Variants in KIF13A observed in about 807,000 individuals in gnomAD.
KIF13A encodes the protein kinesin family member 13A, also known as kinesin-like protein KIF13A.
A neutral mutation model predicts 212.2 loss-of-function variants in KIF13A; 79 were observed. The observed-to-expected ratio is 0.37, with a 90% CI of 0.31 to 0.45. The LOEUF (loss-of-function observed/expected upper bound fraction) is 0.45, where lower values mean the gene tolerates loss of function less well. Ranked by LOEUF, KIF13A falls within the 20% of genes least tolerant of loss-of-function variation. The probability of loss-of-function intolerance (pLI) is 1.00; values close to 1 mark genes in which losing one functional copy is unlikely to be tolerated. For synonymous variants in KIF13A, 789 were observed against 808.6 expected (o/e 0.98, Z 0.41); for missense variants, 1,901 against 2,209.0 (o/e 0.86, Z 2.79).
chr6:17,942,933 T>G (rs1034261014), intron 2 of KIF13A, among the ~76,000 whole-genome samples: 2 of 151,976 alleles, frequency 1.3e-5, no homozygotes, highest in Admixed American at 6.6e-5. Context: ...GAGCCAAGAT[T>G]GTGCCACTAC....
At chr6:17,891,747 G>A (rs143399512) in intron 3 of KIF13A, among the ~76,000 whole-genome samples, 44 of 152,174 alleles carry the variant, frequency 2.9e-4, no homozygotes, top group African/African-American at 9.9e-4. Context: ...CTCCAGCCTC[G>A]GTGAGACCCT....
intron 2 of KIF13A, among the ~76,000 whole-genome samples, chr6:17,969,331 G>A (rs930511774): frequency 2.6e-5 from 4 of 152,160 alleles, no homozygotes; most frequent in Admixed American, 6.5e-5. Flanking sequence ...TTGTACTCTA[G>A]TTATTGGGGG....
chr6:17,925,309 G>A (rs771603332), intron 2 of KIF13A, among the ~76,000 whole-genome samples: 15 of 152,186 alleles, frequency 9.9e-5, no homozygotes, highest in Non-Finnish European at 1.6e-4. Flanking sequence ...AAAGTTTTTC[G>A]CTTGAGCGGG....
At position 17,843,901 on chromosome 6, in the gene KIF13A, T is replaced by C. The variant is rs966553479; in HGVS notation, c.830+5476A>G. Among the ~76,000 whole-genome samples the C allele has an allele frequency of 1.3e-5, 2 of 151,870 alleles. No individual in the cohort carries two copies. Among genetic ancestry groups the C allele is most frequent in the African/African-American group, 4.8e-5 (2 of 41,346 alleles). On this transcript the variant is annotated intron_variant, in intron 9 of 38. Transcript: ENST00000259711. The surrounding 1 kb of genome is among the most constrained non-coding windows in gnomAD (Gnocchi z 5.3). ...CACTACTAAAAATACAAAAATTAAC[T>C]GAGCGTGGTGGCGCACGCCTATAAT...
Position 17,826,124 on chromosome 6 carries a change from C to T in KIF13A, c.1533G>A (p.Arg511=). 6.2e-7 allele frequency: 1 copy of T among 1,613,234 alleles called. No individual in the cohort carries two copies. Among genetic ancestry groups the T allele is most frequent in the East Asian group, 2.2e-5 (1 of 44,874 alleles). Residue 511 remains arginine (R), a splice_region_variant and synonymous_variant, in exon 15 of 39, where the codon AGG becomes AGA. Transcript: ENST00000259711. This position sits in a 1 kb window ranked among gnomAD's most constrained non-coding sequence, Gnocchi z 4.7. ...DVTLTPKENA[R]SCVNGTLVCS... is the part of the protein sequence containing the mutation. ...ACACAAGGGTGCCGTTCACACAGGA[C>T]CTGGGAGAACACGAGGGAAAATACC...
chr6:17,939,137 C>T (rs888197596), intron 2 of KIF13A, among the ~76,000 whole-genome samples: 5 of 152,132 alleles, frequency 3.3e-5, no homozygotes, highest in Non-Finnish European at 5.9e-5. Flanking sequence ...GGGCGCTTTC[C>T]GCCCTTTCCT....
At position 17,785,197 on chromosome 6, in the gene KIF13A, T is replaced by C. The variant is rs1760943831; in HGVS notation, c.3488+318A>G. On this transcript the variant is annotated intron_variant, in intron 28 of 38. Coordinates refer to ENST00000259711, the MANE Select transcript of KIF13A (RefSeq NM_022113.6). This position sits in a 1 kb window ranked among gnomAD's most constrained non-coding sequence, Gnocchi z 5.8. ...TCCACTAATATATTTTCTGTCCTAT[T>C]CAAATACTTTCCAGCCAAGATAAAA... Among the ~76,000 whole-genome samples, 1 of 152,218 alleles carries C rather than the reference T, an allele frequency of 6.6e-6. No homozygotes were observed. The highest frequency in any genetic ancestry group is 6.5e-5 in the Admixed American group (1 of 15,274).
chr6:17,835,377 T>G (rs535100282), intron 11 of KIF13A, among the ~76,000 whole-genome samples: 2 of 152,248 alleles, frequency 1.3e-5, no homozygotes, highest in East Asian at 3.9e-4. Context: ...AATCCACCTA[T>G]AAACACATTG....
intron 4 of KIF13A, among the ~76,000 whole-genome samples, chr6:17,869,848 G>C (rs1189492070): frequency 6.6e-6 from 1 of 152,144 alleles, no homozygotes; most frequent in Admixed American, 6.6e-5. Flanking sequence ...TTTTGAGAGC[G>C]GCTTTGAGAG....
chr6:17,876,556 T>C (rs1367544959), intron 3 of KIF13A, among the ~76,000 whole-genome samples: 1 of 152,224 alleles, frequency 6.6e-6, no homozygotes, highest in East Asian at 1.9e-4. Flanking sequence ...TTAGTCCTTT[T>C]TTATGGCTCC....
intron 16 of KIF13A, among the ~76,000 whole-genome samples, chr6:17,824,774 A>AAC (rs1764812525): frequency 6.8e-6 from 1 of 148,060 alleles, no homozygotes; most frequent in Non-Finnish European, 1.5e-5. Flanking sequence ...AAAAAAAAAA[A>AAC]AAAAAACAAA....
In KIF13A at chr6:17,983,550, T is replaced by C. The variant is rs529109487; in HGVS notation, c.146+3504A>G. On this transcript the variant is annotated intron_variant, in intron 2 of 38. Transcript: ENST00000259711. ...CTCCGTTGCCCAGGCGAGAGTGCAG[T>C]AGCACGATCTCAGCTCACGGCAACC... is the stretch of plus-strand genomic sequence containing the variant. Among the ~76,000 whole-genome samples, 64 of 149,520 alleles carry C rather than the reference T, an allele frequency of 4.3e-4. 1 individual carries two copies. The highest frequency in any genetic ancestry group is 2.4e-3 in the Admixed American group (35 of 14,846).
chr6:17,974,065 A>C (rs1013754115), intron 2 of KIF13A, among the ~76,000 whole-genome samples: 1 of 152,158 alleles, frequency 6.6e-6, no homozygotes, highest in African/African-American at 2.4e-5. Context: ...GAGAGTCCTT[A>C]TGTTAGGAAC....
chr6:17,808,243 G>A (rs1019640417), intron 18 of KIF13A, among the ~76,000 whole-genome samples: 2 of 152,114 alleles, frequency 1.3e-5, no homozygotes, highest in African/African-American at 4.8e-5. Context: ...AAAATTGGCC[G>A]GGTGTGCTAG....
In KIF13A at chr6:17,772,106, A is replaced by G; in HGVS notation, c.4325-47T>C. 6.4e-7 allele frequency: 1 copy of G among 1,559,138 alleles called. No homozygotes were observed. Among genetic ancestry groups the G allele is most frequent in the Non-Finnish European group, 8.8e-7 (1 of 1,133,858 alleles). The stretch of plus-strand genomic sequence containing the variant: ...GAGGTTACAGATGCTGAACACTTTA[A>G]GCAAAACATAGGAACTGAGACAATG... On this transcript the variant is annotated intron_variant, in intron 36 of 38. Coordinates refer to ENST00000259711, the MANE Select transcript of KIF13A (RefSeq NM_022113.6). This position sits in a 1 kb window ranked among gnomAD's most constrained non-coding sequence, Gnocchi z 4.8.
rs1276759983 is a variant in KIF13A, at chr6:17,776,866, T to C, written c.4170+411A>G. ...AACAACTAGGGACTCCAAGAGTGCC[T>C]ACATGCAGTGGCTGACTCCTTATCA... On this transcript the variant is annotated intron_variant, in intron 34 of 38. Coordinates refer to ENST00000259711, the MANE Select transcript of KIF13A (RefSeq NM_022113.6). This position sits in a 1 kb window ranked among gnomAD's most constrained non-coding sequence, Gnocchi z 4.6. 6.6e-6 allele frequency among the ~76,000 whole-genome samples: 1 copy of C among 152,164 alleles called. No homozygotes were observed. Among genetic ancestry groups the C allele is most frequent in the African/African-American group, 2.4e-5 (1 of 41,436 alleles).
At chr6:17,935,342 C>A (rs903382044) in intron 2 of KIF13A, among the ~76,000 whole-genome samples, 1 of 152,124 alleles carries the variant, frequency 6.6e-6, no homozygotes, top group Non-Finnish European at 1.5e-5. Flanking sequence ...AAATTCAGCA[C>A]CACAGAGACC....
intron 2 of KIF13A, among the ~76,000 whole-genome samples, chr6:17,955,015 T>G (rs1349629751): frequency 6.6e-6 from 1 of 151,976 alleles, no homozygotes; most frequent in Non-Finnish European, 1.5e-5. Flanking sequence ...ATGGAATATC[T>G]CTCTACAAAA....
rs777115228 is a variant in KIF13A at position 17,794,723 on chromosome 6, A to C, written c.2943-19T>G. 6.2e-7 allele frequency: 1 copy of C among 1,601,654 alleles called. No homozygotes were observed. Among genetic ancestry groups the C allele is most frequent in the Admixed American group, 1.7e-5 (1 of 57,392 alleles). On this transcript the variant is annotated intron_variant, in intron 23 of 38. Transcript: ENST00000259711. This position sits in a 1 kb window ranked among gnomAD's most constrained non-coding sequence, Gnocchi z 4.1. ...ATTCCACCTGCAGAAACACATTCCA[A>C]CAAGCAAGAGCGTCATCGTCCAGGG...
Sources: gnomAD v4.1 joint callset for allele counts (sites outside exome capture counted in the v4.1 genomes callset) on GRCh38, gnomAD v4.1.1 for gene constraint, Gnocchi (gnomAD v3.1) non-coding constraint, MANE v1.5 for transcripts, NCBI Gene and HGNC (gene_info 2026-07-23, HGNC 2026-07-21) for gene names.